The following DAB1 variants were observed in gnomAD, a reference collection of about 807,000 sequenced individuals.
DAB1 encodes the protein DAB adaptor protein 1.
In DAB1, 15 loss-of-function variants were observed where a neutral mutation model predicts 64.6. That is an observed-to-expected ratio of 0.23 (90% CI 0.16 to 0.36). DAB1 has a LOEUF of 0.36. DAB1 is among the 10% of genes least tolerant of loss of function. The probability of loss-of-function intolerance (pLI) is 1.00; values close to 1 mark genes in which losing one functional copy is unlikely to be tolerated. For missense variants in DAB1, 596 were observed against 706.7 expected (o/e 0.84, Z 1.78); for synonymous variants, 235 against 251.9 (o/e 0.93, Z 0.64).
chr1:58,001,751 G>A (rs918098996), intron 5 of DAB1, among the ~76,000 whole-genome samples: 16 of 152,138 alleles, frequency 1.1e-4, no homozygotes, highest in Admixed American at 5.9e-4. Flanking sequence ...GGTCCCCAAA[G>A]ATGTCAGGTC....
chr1:58,109,823 C>T (rs916903838), intron 5 of DAB1, among the ~76,000 whole-genome samples: 2 of 151,354 alleles, frequency 1.3e-5, no homozygotes, highest in African/African-American at 4.9e-5. Flanking sequence ...TACTAGATCT[C>T]CTGCAGAGAA....
intron 5 of DAB1, among the ~76,000 whole-genome samples, chr1:57,930,639 A>C (rs2749273): frequency 0.16 from 23,854 of 151,962 alleles, 2,716 homozygotes; most frequent in African/African-American, 0.32. Context: ...GCTAATTGAT[A>C]TTGTGTTTTT....
chr1:57,025,038 G>GC (rs146825800), intron 10 of DAB1, among the ~76,000 whole-genome samples: 2,324 of 152,228 alleles, frequency 0.015, 55 homozygotes, highest in African/African-American at 0.046. Context: ...TCTGTGAGGC[G>GC]CATCTTGCCA....
chr1:58,363,313 G>A (rs570050366), intron 3 of DAB1, among the ~76,000 whole-genome samples: 1 of 152,150 alleles, frequency 6.6e-6, no homozygotes, highest in Non-Finnish European at 1.5e-5. Flanking sequence ...AGACTAAGCA[G>A]ATATAGAAAT....
intron 3 of DAB1, among the ~76,000 whole-genome samples, chr1:58,375,508 G>A (rs1238623245): frequency 7.0e-6 from 1 of 143,012 alleles, no homozygotes; most frequent in Non-Finnish European, 1.5e-5. Flanking sequence ...TATTGAACCA[G>A]CCTTGCATCC....
At chr1:58,008,345 G>A (rs965112028) in intron 5 of DAB1, among the ~76,000 whole-genome samples, 8 of 151,982 alleles carry the variant, frequency 5.3e-5, no homozygotes, top group African/African-American at 1.9e-4. Context: ...GGTAAAAATG[G>A]GCCAAAACAC....
intron 2 of DAB1, among the ~76,000 whole-genome samples, chr1:57,187,854 T>C (rs1321123712): frequency 1.3e-5 from 2 of 151,494 alleles, no homozygotes; most frequent in Non-Finnish European, 2.9e-5. Flanking sequence ...AGAGAGAGAC[T>C]CCCACAAAAA....
intron 5 of DAB1, among the ~76,000 whole-genome samples, chr1:58,025,155 G>A (rs1646871176): frequency 6.6e-6 from 1 of 151,294 alleles, no homozygotes; most frequent in Non-Finnish European, 1.5e-5. Flanking sequence ...CTGTTTCTCT[G>A]GAGAACCCCT....
At chr1:57,382,081 G>A (rs1681427653) in intron 1 of DAB1, among the ~76,000 whole-genome samples, 1 of 152,158 alleles carries the variant, frequency 6.6e-6, no homozygotes, top group Non-Finnish European at 1.5e-5. Flanking sequence ...TACTGGGTAT[G>A]ATAAAGCTTT....
chr1:57,084,776 G>A (rs962595730), intron 4 of DAB1, among the ~76,000 whole-genome samples: 1 of 152,138 alleles, frequency 6.6e-6, no homozygotes, highest in Non-Finnish European at 1.5e-5. Flanking sequence ...CAGAAACACA[G>A]AGTGTAGTGC....
intron 5 of DAB1, among the ~76,000 whole-genome samples, chr1:57,931,719 C>T (rs986833013): frequency 1.3e-5 from 2 of 152,102 alleles, no homozygotes; most frequent in African/African-American, 2.4e-5. Context: ...CTTATATTTG[C>T]AATTTGTGTC....
intron 1 of DAB1, among the ~76,000 whole-genome samples, chr1:57,853,083 G>A (rs896139893): frequency 1.3e-5 from 2 of 152,054 alleles, no homozygotes; most frequent in Admixed American, 6.6e-5. Context: ...GTCACATAGG[G>A]TTAAAAATAA....
At chr1:57,094,410 T>G (rs1375726111) in intron 4 of DAB1, among the ~76,000 whole-genome samples, 1 of 152,144 alleles carries the variant, frequency 6.6e-6, no homozygotes. Flanking sequence ...AGATTCAAAT[T>G]CCTTTTTTGC....
chr1:57,959,427 C>A (rs1232016455), intron 5 of DAB1, among the ~76,000 whole-genome samples: 1 of 152,154 alleles, frequency 6.6e-6, no homozygotes, highest in Non-Finnish European at 1.5e-5. Context: ...GCAATAATCT[C>A]ATTTATAAAT....
At chr1:57,831,871 T>C (rs913158176) in intron 1 of DAB1, among the ~76,000 whole-genome samples, 1 of 152,142 alleles carries the variant, frequency 6.6e-6, no homozygotes, top group Non-Finnish European at 1.5e-5. Flanking sequence ...ATTCATTGAA[T>C]AAATACTCAC....
chr1:57,019,238 T>TCCTA (rs1280786270), intron 11 of DAB1, among the ~76,000 whole-genome samples: 1 of 152,092 alleles, frequency 6.6e-6, no homozygotes. Flanking sequence ...GGTAAATGAG[T>TCCTA]CCTAGTCAAT....
intron 5 of DAB1, chr1:58,048,351 A>G: frequency 9.9e-7 from 1 of 1,008,948 alleles, no homozygotes; most frequent in Non-Finnish European, 1.6e-6. Flanking sequence ...TAATTGCCCA[A>G]ATCACTGTAG....
chr1:57,050,190 C>T (rs776175328), intron 9 of DAB1, among the ~76,000 whole-genome samples: 1 of 152,200 alleles, frequency 6.6e-6, no homozygotes, highest in African/African-American at 2.4e-5. Flanking sequence ...TATTAAACTA[C>T]CTGGCATGGG....
At chr1:57,310,464 A>G (rs895741342) in intron 1 of DAB1, among the ~76,000 whole-genome samples, 5 of 152,164 alleles carry the variant, frequency 3.3e-5, no homozygotes, top group Non-Finnish European at 7.3e-5. Flanking sequence ...AACAAAGTGG[A>G]TACCAGAGCT....
Sources: allele counts gnomAD v4.1 joint callset (sites outside exome capture counted in the v4.1 genomes callset), GRCh38; gene constraint gnomAD v4.1.1; transcripts MANE v1.5; gene names NCBI Gene and HGNC (gene_info 2026-07-23, HGNC 2026-07-21).